The following ABCA3 variants were observed in gnomAD, a reference collection of about 807,000 sequenced individuals.
The protein encoded by ABCA3 is ATP binding cassette subfamily A member 3, also known as phospholipid-transporting ATPase ABCA3.
In ABCA3, 88 loss-of-function variants were observed where a neutral mutation model predicts 172.8. The ratio of observed to expected loss-of-function variants is 0.51; its 90% CI spans 0.43 to 0.61. The LOEUF (loss-of-function observed/expected upper bound fraction) is 0.61. Among genes scored for constraint, ABCA3 ranks in the 20% least tolerant of loss-of-function variants. ABCA3 has a pLI of 0.00. For missense variants in ABCA3, 2,164 were observed against 2,301.0 expected, an observed-to-expected ratio of 0.94 and a Z score of 1.22; for synonymous variants, 1,066 against 983.8, an observed-to-expected ratio of 1.08 and a Z score of -1.56.
intron 18 of ABCA3, among the ~76,000 whole-genome samples, chr16:2,294,663 T>A (rs1278018138): frequency 6.6e-6 from 1 of 151,752 alleles, no homozygotes; most frequent in Admixed American, 6.6e-5. Context: ...CCAGCCTGGG[T>A]GACAGAGCAA....
In ABCA3 at chr16:2,276,150, G is replaced by C; in HGVS notation, c.*524C>G. On this transcript the variant is annotated 3_prime_UTR_variant, in exon 33 of 33. Transcript: ENST00000301732. Reference sequence around the variant, plus strand: ...TCCAGGATGCCCCCGGGCTGCGCTGGACGCTAAGACCCCAGCACCTAATCA... The same window carrying C: ...TCCAGGATGCCCCCGGGCTGCGCTGCACGCTAAGACCCCAGCACCTAATCA... 1 of 359,118 alleles carries C rather than the reference G, an allele frequency of 2.8e-6. No homozygotes were observed. The highest frequency in any genetic ancestry group is 5.6e-6 in the Non-Finnish European group (1 of 179,656). 22.2% of individuals were successfully genotyped at this position (359,118 alleles called of 1,614,324 possible).
At position 2,279,507 on chromosome 16, in the gene ABCA3, C is replaced by T; in HGVS notation, c.4360-377G>A. On this transcript the variant is annotated intron_variant, in intron 28 of 32. Transcript: ENST00000301732. The surrounding 1 kb of genome is among the most constrained non-coding windows in gnomAD (Gnocchi z 4.4). ...TGTGCTAGGACTCTTTCTTCTCCCTCTAAGAAGAAAGATTTGTGGGCACCA... is the reference window on the plus strand; with the variant it reads ...TGTGCTAGGACTCTTTCTTCTCCCTTTAAGAAGAAAGATTTGTGGGCACCA... Among the ~76,000 whole-genome samples, 1 of 152,210 alleles carries T rather than the reference C, an allele frequency of 6.6e-6. No individual in the cohort carries two copies.
intron 10 of ABCA3, among the ~76,000 whole-genome samples, chr16:2,314,895 T>C (rs865867484): frequency 4.8e-4 from 69 of 143,996 alleles, no homozygotes; most frequent in African/African-American, 1.7e-3. Flanking sequence ...TTTTTTTTTT[T>C]TGAGACAGAG....
rs1397686794 is a variant in ABCA3 at position 2,320,366 on chromosome 16, G to A, written c.614-526C>T. 8.0e-5 allele frequency among the ~76,000 whole-genome samples: 12 copies of A among 150,526 alleles called. 1 individual carries two copies. The South Asian group carries it at 1.1e-3, about 13-fold the overall frequency. On this transcript the variant is annotated intron_variant, in intron 7 of 32. Transcript: ENST00000301732. ...ACCCACCTTGGCCTCCCAAAGTGCT[G>A]GGATTACAGGCGTGAGCCACTGCAC...
intron 14 of ABCA3, among the ~76,000 whole-genome samples, 182 bp from the exon 15 acceptor site, chr16:2,298,722 G>A (rs1044629912): frequency 6.6e-6 from 1 of 152,084 alleles, no homozygotes; most frequent in Non-Finnish European, 1.5e-5. Context: ...AAAAAGAAGC[G>A]GCATGGAAAC....
rs774112981 is a variant in ABCA3 at position 2,319,708 on chromosome 16, G to A, written c.746C>T (p.Pro249Leu). 2.5e-5 allele frequency: 41 copies of A among 1,613,776 alleles called. No homozygotes were observed. Among genetic ancestry groups the A allele is most frequent in the East Asian group, 8.9e-5 (4 of 44,866 alleles). The change falls in exon 8 of 33, where the codon CCG becomes CTG. Residue 249 changes from proline to leucine, a missense_variant. Pro to Leu is a moderately conservative substitution (Grantham distance 98). Transcript: ENST00000301732. The stretch of plus-strand genomic sequence containing the variant: ...CACGAGGAAGGGGTCTGCGATGAAC[G>A]GCGGGTACGGGAACCTCTTGATGGT... ...TVTIKRFPYP[P>L]FIADPFLVAI...
In ABCA3 at chr16:2,304,007, G is replaced by T. The variant is rs2093693673; in HGVS notation, c.1429C>A (p.Gln477Lys). The change falls in exon 12 of 33, where the codon CAG becomes AAG. Residue 477 changes from glutamine (Q) to lysine (K), a missense_variant. This residue lies in a region of ABCA3 where 1,343 missense variants were observed against 1,369.6 expected (regional missense o/e 0.98). Coordinates refer to ENST00000301732, the MANE Select transcript of ABCA3 (RefSeq NM_001089.3). The stretch of plus-strand genomic sequence containing the variant: ...TACCAGGGCTGAGGCACGCCGAACT[G>T]CCCTGGGAAGACGGCCTCCATGTAC... Reference protein sequence around the residue: ...TWYMEAVFPGQFGVPQPWYFF... With the variant: ...TWYMEAVFPGKFGVPQPWYFF... 6.2e-7 allele frequency: 1 copy of T among 1,614,058 alleles called. No individual in the cohort carries two copies. The highest frequency in any genetic ancestry group is 1.3e-5 in the African/African-American group (1 of 74,926).
Position 2,323,593 on chromosome 16 carries a change from A to T in ABCA3, c.543T>A (p.Thr181=). The T allele has an allele frequency of 6.2e-7, 1 of 1,614,162 alleles. No homozygotes were observed. The highest frequency in any genetic ancestry group is 8.5e-7 in the Non-Finnish European group (1 of 1,180,026). The part of the protein sequence containing the change: ...FFLKETEGWH[T]TSLFPLFPNP... ...TTGGGAAAAGCGGGAAAAGGGAAGT[A>T]GTGTGCCAGCCTTCTGTCTCTTTCA... is the stretch of plus-strand genomic sequence containing the variant. Residue 181 remains threonine (T), a synonymous_variant, in exon 7 of 33, where the codon ACT becomes ACA. Coordinates refer to ENST00000301732, the MANE Select transcript of ABCA3 (RefSeq NM_001089.3).
In ABCA3 at chr16:2,308,639, G is replaced by A; in HGVS notation, c.1112-16C>T. 1 of 1,613,580 alleles carries A rather than the reference G, an allele frequency of 6.2e-7. No individual in the cohort carries two copies. The highest frequency in any genetic ancestry group is 2.2e-5 in the East Asian group (1 of 44,866). On this transcript the variant is annotated splice_polypyrimidine_tract_variant and intron_variant, in intron 10 of 32. Coordinates refer to ENST00000301732, the MANE Select transcript of ABCA3 (RefSeq NM_001089.3). ...GCCATGTTGGCTGCAGGTGTTGGAA[G>A]ACCCGGGGGGCGTGAGCGTCAGTGC...
intron 14 of ABCA3, 97 bp from the exon 15 acceptor site, chr16:2,298,637 T>A: frequency 6.7e-7 from 1 of 1,482,746 alleles, no homozygotes; most frequent in South Asian, 1.2e-5. Flanking sequence ...TCCCCTAATT[T>A]CCTCTGAGGA....
rs1394170597 is a variant in ABCA3 at position 2,279,368 on chromosome 16, T to C, written c.4360-238A>G. 6.6e-6 allele frequency among the ~76,000 whole-genome samples: 1 copy of C among 152,164 alleles called. No homozygotes were observed. Among genetic ancestry groups the C allele is most frequent in the Non-Finnish European group, 1.5e-5 (1 of 68,020 alleles). On this transcript the variant is annotated intron_variant, in intron 28 of 32. Coordinates refer to ENST00000301732, the MANE Select transcript of ABCA3 (RefSeq NM_001089.3). This position sits in a 1 kb window ranked among gnomAD's most constrained non-coding sequence, Gnocchi z 4.4. ...GGTGCAGGGAGGCTTCCAGAGCTGC[T>C]CTCAGAGCCTGGTCCAGGACAGGCA...
intron 10 of ABCA3, 27 bp downstream of exon 10, chr16:2,317,256 C>A (rs1172829831): frequency 6.2e-7 from 1 of 1,613,404 alleles, no homozygotes; most frequent in Non-Finnish European, 8.5e-7. Flanking sequence ...CTTGGCAACC[C>A]CACTCTGCCC....
At chr16:2,307,363 G>T (rs2093699500) in intron 11 of ABCA3, among the ~76,000 whole-genome samples, 1 of 151,926 alleles carries the variant, frequency 6.6e-6, no homozygotes, top group Admixed American at 6.6e-5. Flanking sequence ...GACCAGCCTG[G>T]CCAACATGGC....
rs531583248 is a variant in ABCA3, at chr16:2,326,381, G to A, written c.54+32C>T. 31 of 1,612,324 alleles carry A rather than the reference G, an allele frequency of 1.9e-5. No individual in the cohort carries two copies. The East Asian group carries it at 3.8e-4, about 20-fold the overall frequency. ...CCCCAGGAGCCTCTGGGCTAGGCAC[G>A]CAGCTGACCTCCCTCCAGAGTCTGG... On this transcript the variant is annotated intron_variant, in intron 4 of 32. Coordinates refer to ENST00000301732, the MANE Select transcript of ABCA3 (RefSeq NM_001089.3).
Position 2,297,617 on chromosome 16 carries a change from C to T in ABCA3, c.2053-78G>A, listed in dbSNP as rs558619462. ...AGGCTGGCCTTGCGGTAGGCCCCAT[C>T]GAGGGGTTCGCGGAGCCGGCTTGAG... On this transcript the variant is annotated intron_variant, in intron 16 of 32. Transcript: ENST00000301732. This position sits in a 1 kb window ranked among gnomAD's most constrained non-coding sequence, Gnocchi z 5.6. The T allele has an allele frequency of 1.4e-3, 2,170 of 1,594,670 alleles. 8 individuals are homozygous for T. The highest frequency in any genetic ancestry group is 1.7e-3 in the Non-Finnish European group (1,996 of 1,171,692).
chr16:2,306,132 G>T (rs1164602965), intron 11 of ABCA3, among the ~76,000 whole-genome samples: 1 of 152,018 alleles, frequency 6.6e-6, no homozygotes, highest in Admixed American at 6.6e-5. Context: ...CAGGAGGATT[G>T]CTTGAGGCCA....
chr16:2,297,655 G>T lies in ABCA3; in HGVS notation c.2052+111C>A. ...GAGCCGGCTTGAGTCCTCCAAGGAT[G>T]GTGATGGCCTTGTCTGGGGTGTCAA... On this transcript the variant is annotated intron_variant, in intron 16 of 32. Coordinates refer to ENST00000301732, the MANE Select transcript of ABCA3 (RefSeq NM_001089.3). The surrounding 1 kb of genome is among the most constrained non-coding windows in gnomAD (Gnocchi z 5.6). The T allele has an allele frequency of 6.3e-7, 1 of 1,588,002 alleles. No individual in the cohort carries two copies. Among genetic ancestry groups the T allele is most frequent in the Non-Finnish European group, 8.5e-7 (1 of 1,170,352 alleles).
intron 3 of ABCA3, among the ~76,000 whole-genome samples, chr16:2,327,804 T>G (rs1179441634): frequency 6.6e-6 from 1 of 152,212 alleles, no homozygotes; most frequent in African/African-American, 2.4e-5. Flanking sequence ...CAATGGAACC[T>G]CCGCCTCCTG....
rs1039484221 is a variant in ABCA3, at chr16:2,278,589, A to G, written c.4548-131T>C. 5 of 1,264,046 alleles carry G rather than the reference A, an allele frequency of 4.0e-6. No homozygotes were observed. In the Middle Eastern group the frequency reaches 7.2e-4, roughly 181 times the overall value. 78.3% of individuals were successfully genotyped at this position (1,264,046 alleles called of 1,614,324 possible). A position where few individuals can be genotyped will look rare whatever the true frequency, so the allele number is the denominator to read the frequency against. Reference sequence around the variant, plus strand: ...TGCAGAACAGCCCTAGTGAAGAGGAAGGAGCTGTGTGTGCACCTGGAAAGC... The same window carrying G: ...TGCAGAACAGCCCTAGTGAAGAGGAGGGAGCTGTGTGTGCACCTGGAAAGC... On this transcript the variant is annotated intron_variant, in intron 29 of 32. Coordinates refer to ENST00000301732, the MANE Select transcript of ABCA3 (RefSeq NM_001089.3). This position sits in a 1 kb window ranked among gnomAD's most constrained non-coding sequence, Gnocchi z 4.4.
Sources: gnomAD v4.1 joint callset for allele counts (sites outside exome capture counted in the v4.1 genomes callset) on GRCh38, gnomAD v4.1.1 for gene constraint, gnomAD v4.1.1 regional missense constraint, Gnocchi (gnomAD v3.1) non-coding constraint, MANE v1.5 for transcripts, NCBI Gene and HGNC (gene_info 2026-07-23, HGNC 2026-07-21) for gene names.